The following FBXO7 variants were observed in gnomAD, a reference collection of about 807,000 sequenced individuals.
FBXO7 encodes the protein F-box protein 7, also known as F-box only protein 7.
In FBXO7, 31 loss-of-function variants were observed where a neutral mutation model predicts 50.2. The observed-to-expected ratio is 0.62, with a 90% CI of 0.46 to 0.83. The LOEUF is 0.83. Ranked by LOEUF, FBXO7 falls within the 40% of genes least tolerant of loss-of-function variation. The pLI is 0.00. For synonymous variants in FBXO7, 256 were observed against 253.1 expected (o/e 1.01, Z -0.11); for missense variants, 667 against 646.6 (o/e 1.03, Z -0.34).
rs949633539 is a variant in FBXO7 at position 32,497,809 on chromosome 22, G to A, written c.1183-335G>A. On this transcript the variant is annotated intron_variant, in intron 8 of 8. Transcript: ENST00000266087. The stretch of plus-strand genomic sequence containing the variant: ...AGCACCCTGATCTGTCAGCAGCAAC[G>A]AACATGGAGGCAAGACCCTCTATTA... 2.6e-5 allele frequency among the ~76,000 whole-genome samples: 4 copies of A among 152,202 alleles called. No individual in the cohort carries two copies. In the South Asian group the frequency reaches 8.3e-4, roughly 31 times the overall value.
chr22:32,490,624 G>A (rs536278787), intron 5 of FBXO7: 50 of 162,750 alleles, frequency 3.1e-4, no homozygotes, highest in Admixed American at 1.0e-3. Flanking sequence ...AATGGAGATA[G>A]TAATTAGGAA....
chr22:32,482,508 A>T (rs1338088648), intron 2 of FBXO7, among the ~76,000 whole-genome samples: 1 of 152,192 alleles, frequency 6.6e-6, no homozygotes, highest in Non-Finnish European at 1.5e-5. Flanking sequence ...TAGGTAACTT[A>T]GTTTTTTTTG....
intron 7 of FBXO7, 89 bp from the exon 8 acceptor site, chr22:32,495,404 A>C: frequency 3.8e-6 from 3 of 789,676 alleles, no homozygotes; most frequent in Admixed American, 2.5e-5. Context: ...GGTAAGTTTC[A>C]CTTTTCTTAG....
At chr22:32,482,337 C>G (rs1449061789) in intron 2 of FBXO7, among the ~76,000 whole-genome samples, 1 of 152,186 alleles carries the variant, frequency 6.6e-6, no homozygotes, top group Non-Finnish European at 1.5e-5. Flanking sequence ...GAACAGCTGT[C>G]ACCTCCGGCT....
chr22:32,484,879 T>C (rs1403957704), intron 3 of FBXO7, among the ~76,000 whole-genome samples, 189 bp from the exon 4 acceptor site: 2 of 152,228 alleles, frequency 1.3e-5, no homozygotes, highest in African/African-American at 2.4e-5. Flanking sequence ...TGTTCTAATA[T>C]ATTATCTTAT....
intron 1 of FBXO7, 127 bp downstream of exon 1, chr22:32,475,251 A>T: frequency 6.5e-7 from 1 of 1,541,618 alleles, no homozygotes; most frequent in Non-Finnish European, 8.7e-7. Context: ...AAGTGCGGGG[A>T]CGCCGGGGGG....
intron 8 of FBXO7, 57 bp downstream of exon 8, chr22:32,495,587 T>TA (rs2057568975): frequency 3.2e-6 from 3 of 949,020 alleles, no homozygotes; most frequent in Non-Finnish European, 4.9e-6. Context: ...ACTAGTGAAT[T>TA]AATATATTAA....
chr22:32,479,684 T>A (rs1004333408), intron 2 of FBXO7, among the ~76,000 whole-genome samples: 19 of 152,314 alleles, frequency 1.2e-4, no homozygotes, highest in African/African-American at 2.2e-4. Context: ...CATGAGCCAC[T>A]GCGCCTGGCT....
At chr22:32,484,598 T>C (rs5749446) in intron 3 of FBXO7, among the ~76,000 whole-genome samples, 63,332 of 151,896 alleles carry the variant, frequency 0.42, 13,703 homozygotes, top group East Asian at 0.69. Context: ...AGGAGAGAGA[T>C]GAATAAAAAG....
In FBXO7 at chr22:32,491,195, T is replaced by G. The variant is rs747684984; in HGVS notation, c.967+14T>G. Reference sequence around the variant, plus strand: ...TTACCCGACAAGGTAAGAGATGAAATACTGTCACAATTTAAATGACTGTAA... The same window carrying G: ...TTACCCGACAAGGTAAGAGATGAAAGACTGTCACAATTTAAATGACTGTAA... On this transcript the variant is annotated intron_variant, in intron 6 of 8. Coordinates refer to ENST00000266087, the MANE Select transcript of FBXO7 (RefSeq NM_012179.4). 6.6e-7 allele frequency: 1 copy of G among 1,515,510 alleles called. No homozygotes were observed. Among genetic ancestry groups the G allele is most frequent in the Admixed American group, 1.7e-5 (1 of 59,868 alleles). 93.9% of individuals were successfully genotyped at this position (1,515,510 alleles called of 1,614,324 possible). A position where few individuals can be genotyped will look rare whatever the true frequency, so the allele number is the denominator to read the frequency against.
Position 32,498,473 on chromosome 22 carries a change from A to G in FBXO7, c.1512A>G (p.Arg504=). 6.2e-7 allele frequency: 1 copy of G among 1,614,072 alleles called. No individual in the cohort carries two copies. Among genetic ancestry groups the G allele is most frequent in the South Asian group, 1.1e-5 (1 of 91,070 alleles). ...ILPGRGGPND[R]FPFRPSRGRP... ...CAGGGCGAGGCGGCCCCAATGACAGATTTCCCTTTAGACCCAGCAGGGGTC... is the reference window on the plus strand; with the variant it reads ...CAGGGCGAGGCGGCCCCAATGACAGGTTTCCCTTTAGACCCAGCAGGGGTC... Residue 504 remains arginine, a synonymous_variant, in exon 9 of 9, where the codon AGA becomes AGG. Coordinates refer to ENST00000266087, the MANE Select transcript of FBXO7 (RefSeq NM_012179.4).
intron 7 of FBXO7, among the ~76,000 whole-genome samples, chr22:32,494,916 C>G (rs2057562768): frequency 6.6e-6 from 1 of 152,198 alleles, no homozygotes; most frequent in Non-Finnish European, 1.5e-5. Context: ...GAATGGGTTT[C>G]TCTTTCCTCA....
In FBXO7 at chr22:32,475,260, G is replaced by C. The variant is rs1232896686; in HGVS notation, c.122+136G>C. On this transcript the variant is annotated intron_variant, in intron 1 of 8. Transcript: ENST00000266087. The stretch of plus-strand genomic sequence containing the variant: ...TAGGCCAAGTGCGGGGACGCCGGGG[G>C]GGCCTTCACGGGAGGCCCGGGCTCT... 3.9e-6 allele frequency: 6 copies of C among 1,557,820 alleles called. No homozygotes were observed. The South Asian group carries it at 5.9e-5, about 15-fold the overall frequency.
chr22:32,475,411 T>G, intron 1 of FBXO7: 1 of 1,611,058 alleles, frequency 6.2e-7, no homozygotes, highest in Non-Finnish European at 8.5e-7. Flanking sequence ...GAGTCATGGC[T>G]TCTGGTTTTG....
chr22:32,483,816 C>T, intron 2 of FBXO7, 81 bp from the exon 3 acceptor site: 1 of 1,268,946 alleles, frequency 7.9e-7, no homozygotes, highest in South Asian at 1.2e-5. Flanking sequence ...ACTTTCAGCA[C>T]TTAGTTCACT....
At chr22:32,491,445 C>A in intron 6 of FBXO7, 1 of 393,568 alleles carries the variant, frequency 2.5e-6, no homozygotes, top group African/African-American at 2.1e-5. Flanking sequence ...GTTGGGAATA[C>A]CTTGAAGGTA....
At chr22:32,491,673 C>T (rs544695350) in intron 6 of FBXO7, 4 of 149,080 alleles carry the variant, frequency 2.7e-5, no homozygotes, top group South Asian at 2.1e-4. Context: ...TTTTTTAAAC[C>T]ATTTATTGGA....
intron 8 of FBXO7, among the ~76,000 whole-genome samples, chr22:32,497,875 A>T (rs1175212129): frequency 2.0e-5 from 3 of 152,238 alleles, no homozygotes; most frequent in Non-Finnish European, 4.4e-5. Flanking sequence ...GGTGATTGTT[A>T]GCATATTTTT....
At chr22:32,491,561 ATATATT>A in intron 6 of FBXO7, 1 of 102,340 alleles carries the variant, frequency 9.8e-6, no homozygotes, top group East Asian at 2.9e-4. Context: ...CTATATAGAC[ATATATT>A]TAGATATATA....
Sources: allele counts gnomAD v4.1 joint callset (sites outside exome capture counted in the v4.1 genomes callset), GRCh38; gene constraint gnomAD v4.1.1; transcripts MANE v1.5; gene names NCBI Gene and HGNC (gene_info 2026-07-23, HGNC 2026-07-21).